Variants in NRG2 observed in about 807,000 individuals in gnomAD.
NRG2 encodes pro-neuregulin-2, membrane-bound isoform.
NRG2 carries 27 observed loss-of-function variants against 73.9 expected under a neutral mutation model. The ratio of observed to expected loss-of-function variants is 0.37; its 90% CI spans 0.27 to 0.50. The LOEUF (loss-of-function observed/expected upper bound fraction) is 0.50. Among genes scored for constraint, NRG2 ranks in the 20% least tolerant of loss-of-function variants. The pLI, the probability that NRG2 is intolerant of heterozygous loss-of-function variation, is 0.96. For missense variants in NRG2, 1,126 were observed against 1,210.1 expected (o/e 0.93, Z 1.03); for synonymous variants, 532 against 541.0 (o/e 0.98, Z 0.23).
intron 1 of NRG2, among the ~76,000 whole-genome samples, chr5:139,953,247 G>A (rs1251222846): frequency 2.6e-5 from 4 of 152,100 alleles, no homozygotes; most frequent in Admixed American, 6.5e-5. Flanking sequence ...GCTCAAAGCC[G>A]TGGACATAGC....
Position 140,042,908 on chromosome 5 carries a change from G to T in NRG2, c.162C>A (p.Ser54Arg). ...GGGGCGCAGCGGGACGAGAGATGCTGCTGTTGTTGCTGCTGCTCCTGCTGC... is the reference window on the plus strand; with the variant it reads ...GGGGCGCAGCGGGACGAGAGATGCTTCTGTTGTTGCTGCTGCTCCTGCTGC... ...GSSSRSSSNN[S>R]SISRPAAPPE... The change falls in exon 1 of 10, where the codon AGC becomes AGA. Residue 54 changes from serine (S) to arginine (R), a missense_variant. Coordinates refer to ENST00000361474, the MANE Select transcript of NRG2 (RefSeq NM_004883.3). 6.5e-7 allele frequency: 1 copy of T among 1,537,192 alleles called. No homozygotes were observed. Among genetic ancestry groups the T allele is most frequent in the Non-Finnish European group, 8.7e-7 (1 of 1,143,276 alleles).
chr5:139,897,704 C>G lies in NRG2; in HGVS notation c.701-10193G>C, dbSNP rs187141031. 1.7e-3 allele frequency among the ~76,000 whole-genome samples: 256 copies of G among 152,292 alleles called. 1 individual carries two copies. The highest frequency in any genetic ancestry group is 6.0e-3 in the African/African-American group (248 of 41,560). ...GCCCAGATCAAGACTGCTGTGAGCA[C>G]TCGCTGGAGGGTGGGATCCATTGAC... On this transcript the variant is annotated intron_variant, in intron 1 of 9. Coordinates refer to ENST00000361474, the MANE Select transcript of NRG2 (RefSeq NM_004883.3).
chr5:139,917,348 C>T (rs1350627131), intron 1 of NRG2, among the ~76,000 whole-genome samples: 1 of 152,138 alleles, frequency 6.6e-6, no homozygotes, highest in Non-Finnish European at 1.5e-5. Flanking sequence ...ACCTCCCGGG[C>T]TCAAACGATC....
intron 1 of NRG2, among the ~76,000 whole-genome samples, chr5:140,039,808 G>A (rs140737417): frequency 8.5e-5 from 13 of 152,292 alleles, no homozygotes; most frequent in African/African-American, 3.1e-4. Context: ...AACCTCAGTT[G>A]CTCAATGTAA....
At chr5:139,848,775 G>GGGGGGGGGGC in intron 9 of NRG2, 78 bp from the exon 10 acceptor site, 1 of 601,720 alleles carries the variant, frequency 1.7e-6, no homozygotes, top group Non-Finnish European at 2.4e-6. Context: ...GTGGGGTAGG[G>GGGGGGGGGGC]TGGGAGGGGC....
chr5:139,900,730 C>T (rs1449019364), intron 1 of NRG2, among the ~76,000 whole-genome samples: 2 of 152,204 alleles, frequency 1.3e-5, no homozygotes, highest in Non-Finnish European at 2.9e-5. Flanking sequence ...AAACCAACCC[C>T]GAGGCCAGGG....
At chr5:139,903,054 C>CT (rs1764989386) in intron 1 of NRG2, among the ~76,000 whole-genome samples, 1 of 152,194 alleles carries the variant, frequency 6.6e-6, no homozygotes, top group South Asian at 2.1e-4. Context: ...CAGAGCCTTG[C>CT]TACCCCTTCC....
At chr5:140,018,939 T>C (rs1055900602) in intron 1 of NRG2, among the ~76,000 whole-genome samples, 4 of 152,180 alleles carry the variant, frequency 2.6e-5, no homozygotes, top group Middle Eastern at 3.2e-3. Context: ...GCAGAAGAAA[T>C]GTAGAGGGAC....
chr5:139,984,194 G>GAATAT (rs1420003707), intron 1 of NRG2, among the ~76,000 whole-genome samples: 3 of 152,100 alleles, frequency 2.0e-5, no homozygotes, highest in Admixed American at 2.0e-4. Flanking sequence ...TTATACACAA[G>GAATAT]GCTGTTCAAC....
rs1765109877 is a variant in NRG2, at chr5:139,904,577, C to A, written c.701-17066G>T. On this transcript the variant is annotated intron_variant, in intron 1 of 9. Coordinates refer to ENST00000361474, the MANE Select transcript of NRG2 (RefSeq NM_004883.3). The surrounding 1 kb of genome is among the most constrained non-coding windows in gnomAD (Gnocchi z 6.0). ...CCCGCGCCCTCCACCCTCGCCCCCC[C>A]TCCACCGGCTCGGGCCGCGGGGGCG... Among the ~76,000 whole-genome samples the A allele has an allele frequency of 6.6e-6, 1 of 152,102 alleles. No individual in the cohort carries two copies. The highest frequency in any genetic ancestry group is 2.4e-5 in the African/African-American group (1 of 41,450).
At chr5:139,930,518 G>C (rs988136269) in intron 1 of NRG2, among the ~76,000 whole-genome samples, 2 of 152,180 alleles carry the variant, frequency 1.3e-5, no homozygotes, top group Non-Finnish European at 2.9e-5. Flanking sequence ...TCAAACTTTC[G>C]GGAAGGTTCC....
chr5:139,953,625 G>A (rs972867818), intron 1 of NRG2, among the ~76,000 whole-genome samples: 1 of 152,134 alleles, frequency 6.6e-6, no homozygotes, highest in Non-Finnish European at 1.5e-5. Context: ...CACTGACAAG[G>A]TACAGTGGTC....
chr5:139,900,229 C>T (rs1411754512), intron 1 of NRG2, among the ~76,000 whole-genome samples: 2 of 152,240 alleles, frequency 1.3e-5, no homozygotes, highest in East Asian at 3.8e-4. Context: ...GTCTTACCCT[C>T]GGTTCTGATC....
chr5:139,886,421 T>C (rs1561655617), intron 2 of NRG2, among the ~76,000 whole-genome samples: 1 of 152,074 alleles, frequency 6.6e-6, no homozygotes, highest in East Asian at 1.9e-4. Flanking sequence ...CATCCTAATT[T>C]GCATTTTGTG....
At position 140,043,052 on chromosome 5, in the gene NRG2, G is replaced by C; in HGVS notation, c.18C>G (p.Cys6Trp). Residue 6 changes from cysteine to tryptophan, a missense_variant, in exon 1 of 10, where the codon TGC becomes TGG. Cys to Trp is a radical substitution (Grantham distance 215). Coordinates refer to ENST00000361474, the MANE Select transcript of NRG2 (RefSeq NM_004883.3). This position sits in a 1 kb window ranked among gnomAD's most constrained non-coding sequence, Gnocchi z 6.7. ...CCAGTGGCGGCGGCGGCAGCGCTGA[G>C]CAGCAAACCTGCCGCATCTGGCCAG... MRQVCCSALPPPPLEK... is the reference protein window; with the variant it reads MRQVCWSALPPPPLEK... The C allele has an allele frequency of 6.5e-7, 1 of 1,539,912 alleles. No homozygotes were observed. The highest frequency in any genetic ancestry group is 1.2e-5 in the South Asian group (1 of 84,406).
In NRG2 at chr5:139,847,585, T is replaced by G. The variant is rs1761074517; in HGVS notation, c.*332A>C. The stretch of plus-strand genomic sequence containing the variant: ...TGTCCCCCGGAGCCCCAGATGAGCA[T>G]ACAGCAAAAGGCACCACAAAATAGG... On this transcript the variant is annotated 3_prime_UTR_variant, in exon 10 of 10. Transcript: ENST00000361474. 5.8e-6 allele frequency: 1 copy of G among 171,916 alleles called. No individual in the cohort carries two copies. 10.6% of individuals were successfully genotyped at this position (171,916 alleles called of 1,614,324 possible).
rs112193058 is a variant in NRG2, at chr5:139,904,162, A to G, written c.701-16651T>C. 0.011 allele frequency: 8,142 copies of G among 741,670 alleles called. 513 individuals carry two copies. The African/African-American group carries it at 0.14, about 12-fold the overall frequency. The allele number at this position is 741,670 out of a possible 1,614,324, so 45.9% of individuals were successfully genotyped here. A position where few individuals can be genotyped will look rare whatever the true frequency, so the allele number is the denominator to read the frequency against. ...CTCCCGGCCGCGACGACCCGCTCGCACGCAGGCACGCGCGCCCTCGGTGCC... is the reference window on the plus strand; with the variant it reads ...CTCCCGGCCGCGACGACCCGCTCGCGCGCAGGCACGCGCGCCCTCGGTGCC... On this transcript the variant is annotated intron_variant, in intron 1 of 9. Transcript: ENST00000361474. This position sits in a 1 kb window ranked among gnomAD's most constrained non-coding sequence, Gnocchi z 6.0.
chr5:140,028,073 A>G (rs1760843500), intron 1 of NRG2, among the ~76,000 whole-genome samples: 1 of 152,210 alleles, frequency 6.6e-6, no homozygotes, highest in African/African-American at 2.4e-5. Context: ...TAGATAGAAA[A>G]TTAAAGAGAC....
chr5:140,001,122 C>A (rs1159523148), intron 1 of NRG2, among the ~76,000 whole-genome samples: 2 of 152,198 alleles, frequency 1.3e-5, no homozygotes, highest in African/African-American at 4.8e-5. Flanking sequence ...TGCTACTGGA[C>A]TCCTCTCCCT....
Sources: allele counts gnomAD v4.1 joint callset (sites outside exome capture counted in the v4.1 genomes callset), GRCh38; gene constraint gnomAD v4.1.1; non-coding constraint Gnocchi (gnomAD v3.1); transcripts MANE v1.5; gene names NCBI Gene and HGNC (gene_info 2026-07-23, HGNC 2026-07-21).